Variants in TENM1 observed in about 807,000 individuals in gnomAD.
TENM1 encodes teneurin-1.
A neutral mutation model predicts 174.8 loss-of-function variants in TENM1; 35 were observed. The ratio of observed to expected loss-of-function variants is 0.20; its 90% CI spans 0.15 to 0.27. The LOEUF is 0.27. TENM1 is among the 10% of genes least tolerant of loss of function. TENM1 has a pLI of 1.00. For synonymous variants in TENM1, 781 were observed against 798.7 expected (o/e 0.98, Z 0.37); for missense variants, 1,633 against 2,130.1 (o/e 0.77, Z 4.59).
At chrX:124,627,191 A>G (rs1309862850) in intron 11 of TENM1, among the ~76,000 whole-genome samples, 1 of 111,274 alleles carries the variant, frequency 9.0e-6, no homozygotes. Context: ...CCCTGCCCTC[A>G]TGTGCCTTAA....
the TENM1 span, among the ~76,000 whole-genome samples, chrX:125,198,677 C>A: frequency 9.0e-6 from 1 of 111,185 alleles, no homozygotes; most frequent in Non-Finnish European, 1.9e-5. Flanking sequence ...TTTCAGGGAC[C>A]AACAGGCTGG....
the TENM1 span, among the ~76,000 whole-genome samples, chrX:125,083,192 T>G: frequency 9.0e-6 from 1 of 111,283 alleles, no homozygotes; most frequent in Non-Finnish European, 1.9e-5. Flanking sequence ...CAACTGAATA[T>G]GTACACTTTT....
intron 3 of TENM1, among the ~76,000 whole-genome samples, chrX:124,814,223 G>C (rs764705962): frequency 9.0e-6 from 1 of 111,417 alleles, no homozygotes; most frequent in Non-Finnish European, 1.9e-5. Flanking sequence ...AATGAAGATA[G>C]TGCCTAACTT....
chrX:124,429,360 TAAAC>T (rs1411939635), intron 23 of TENM1, among the ~76,000 whole-genome samples: 6 of 111,335 alleles, frequency 5.4e-5, no homozygotes, highest in Non-Finnish European at 1.1e-4. Flanking sequence ...GTTATAAAGG[TAAAC>T]AAACAGATTT....
At chrX:125,004,910 C>T in the TENM1 span, among the ~76,000 whole-genome samples, 4 of 110,745 alleles carry the variant, frequency 3.6e-5, no homozygotes, top group Non-Finnish European at 5.7e-5. Flanking sequence ...CATGCTTTTA[C>T]ACAAGAACGT....
chrX:124,875,291 A>C (rs1392376316), intron 3 of TENM1, among the ~76,000 whole-genome samples: 1 of 110,912 alleles, frequency 9.0e-6, no homozygotes, highest in Non-Finnish European at 1.9e-5. Context: ...CATTTATTCA[A>C]CTATATTTTC....
At position 124,832,973 on chromosome X, in the gene TENM1, G is replaced by T. The variant is rs192144084; in HGVS notation, c.535+61323C>A. 2.1e-4 allele frequency among the ~76,000 whole-genome samples: 23 copies of T among 111,591 alleles called. No homozygotes were observed. The East Asian group carries it at 6.2e-3, about 30-fold the overall frequency. On this transcript the variant is annotated intron_variant, in intron 3 of 31. Transcript: ENST00000422452. ...TAGTCGATGTAAGAGGAAAACAAAT[G>T]GTTGCGTGCATTTTGACCATTAAGG...
the TENM1 span, among the ~76,000 whole-genome samples, chrX:125,143,132 C>G: frequency 9.0e-6 from 1 of 111,549 alleles, no homozygotes; most frequent in Non-Finnish European, 1.9e-5. Context: ...CCTTCTGGAG[C>G]TGAACAAACT....
intron 16 of TENM1, 49 bp downstream of exon 19, chrX:124,529,815 A>T (rs767726048): frequency 1.7e-6 from 2 of 1,208,515 alleles, no homozygotes; most frequent in Non-Finnish European, 2.2e-6. Context: ...ACCCCTGGCT[A>T]GAAGTCAGTA....
chrX:124,972,719 G>A, the TENM1 span, among the ~76,000 whole-genome samples: 1 of 112,010 alleles, frequency 8.9e-6, no homozygotes, highest in African/African-American at 3.2e-5. Context: ...CTTTTTAGGA[G>A]ATGGGCTGAG....
intron 3 of TENM1, among the ~76,000 whole-genome samples, chrX:124,876,202 ATACT>A (rs1191903959): frequency 1.8e-5 from 2 of 111,562 alleles, no homozygotes; most frequent in Admixed American, 9.6e-5. Flanking sequence ...TATTTGTAAA[ATACT>A]TAGAGCAATG....
intron 11 of TENM1, among the ~76,000 whole-genome samples, chrX:124,594,362 C>G (rs2049838803): frequency 9.0e-6 from 1 of 111,569 alleles, no homozygotes; most frequent in South Asian, 3.8e-4. Context: ...AGAGTGGACC[C>G]CAGGCTGGGA....
chrX:124,386,017 A>G, exon 29 of TENM1: 1 of 1,206,669 alleles, frequency 8.3e-7, no homozygotes, highest in South Asian at 1.8e-5. Flanking sequence ...CTGGTTGGTC[A>G]TACTCAAAGA....
chrX:124,757,548 C>T (rs963587468), intron 3 of TENM1, among the ~76,000 whole-genome samples: 1 of 112,567 alleles, frequency 8.9e-6, no homozygotes, highest in African/African-American at 3.2e-5. Context: ...GAACCCGGTA[C>T]CTCTGATGGA....
chrX:124,854,008 T>C (rs2056769958), intron 3 of TENM1, among the ~76,000 whole-genome samples: 1 of 109,905 alleles, frequency 9.1e-6, no homozygotes, highest in African/African-American at 3.3e-5. Flanking sequence ...TAGGGAGGTA[T>C]GAGGGCCTTG....
chrX:125,010,476 C>T, the TENM1 span, among the ~76,000 whole-genome samples: 1 of 108,769 alleles, frequency 9.2e-6, no homozygotes. Context: ...AGATTCAGTG[C>T]TATTCCCATC....
chrX:124,580,442 A>G (rs1181250459), intron 11 of TENM1, among the ~76,000 whole-genome samples: 1 of 109,815 alleles, frequency 9.1e-6, no homozygotes, highest in Non-Finnish European at 1.9e-5. Flanking sequence ...ACACATACAT[A>G]TAGATATACA....
rs199666883 is a variant in TENM1, at chrX:124,402,864, GA to G, written c.5391+2166del. Among the ~76,000 whole-genome samples, 464 of 104,099 alleles carry G rather than the reference GA, an allele frequency of 4.5e-3. 2 individuals carry two copies. The highest frequency in any genetic ancestry group is 0.013 in the African/African-American group (377 of 28,656). The allele number at this position is 104,099 out of a possible 115,157, so 90.4% of individuals were successfully genotyped here. A position where few individuals can be genotyped will look rare whatever the true frequency, so the allele number is the denominator to read the frequency against. ...AGTAGTACACTTTTATTTTACAGGT[GA>G]AAAAAAAAAATCAAGGCATTTCTTA... On this transcript the variant is annotated intron_variant, in intron 27 of 31. Transcript: ENST00000422452.
At chrX:124,413,642 C>G (rs764809682) in intron 25 of TENM1, among the ~76,000 whole-genome samples, 1 of 112,297 alleles carries the variant, frequency 8.9e-6, no homozygotes, top group Non-Finnish European at 1.9e-5. Flanking sequence ...TTTACTCACT[C>G]TTGATCCTTA....
Sources: allele counts gnomAD v4.1 joint callset (sites outside exome capture counted in the v4.1 genomes callset), GRCh38; gene constraint gnomAD v4.1.1; transcripts MANE v1.5; gene names NCBI Gene and HGNC (gene_info 2026-07-23, HGNC 2026-07-21).